The following TM9SF2 variants were observed in gnomAD, a reference collection of about 807,000 sequenced individuals.
TM9SF2 encodes the protein 76 kDa membrane protein.
Under a neutral mutation model 84.9 loss-of-function variants are expected in TM9SF2, and 13 were observed. The observed-to-expected ratio is 0.15, with a 90% confidence interval of 0.10 to 0.24. TM9SF2 has a LOEUF of 0.24. TM9SF2 is among the 10% of genes least tolerant of loss of function. The probability of loss-of-function intolerance (pLI) is 1.00; values close to 1 mark genes in which losing one functional copy is unlikely to be tolerated. For missense variants in TM9SF2, 562 were observed against 818.5 expected, an observed-to-expected ratio of 0.69 and a Z score of 3.82; for synonymous variants, 273 against 285.8, an observed-to-expected ratio of 0.96 and a Z score of 0.45.
chr13:99,527,874 A>G (rs570961977), intron 3 of TM9SF2, among the ~76,000 whole-genome samples: 3 of 152,336 alleles, frequency 2.0e-5, no homozygotes, highest in Admixed American at 1.3e-4. Flanking sequence ...CATTTTACAC[A>G]TAAGTTAACT....
At chr13:99,524,506 T>A (rs1440665165) in intron 3 of TM9SF2, among the ~76,000 whole-genome samples, 2 of 152,082 alleles carry the variant, frequency 1.3e-5, no homozygotes, top group Middle Eastern at 6.8e-3. Context: ...GCAGAGATGC[T>A]GAATAAACAG....
intron 1 of TM9SF2, among the ~76,000 whole-genome samples, chr13:99,513,981 G>A (rs1016720451): frequency 7.9e-5 from 12 of 152,100 alleles, no homozygotes; most frequent in African/African-American, 2.4e-4. Flanking sequence ...TAAAATTAGC[G>A]TCATTTTTCC....
rs757227160 is a variant in TM9SF2 at position 99,541,511 on chromosome 13, T to C, written c.909-48T>C. 3.6e-6 allele frequency: 5 copies of C among 1,371,076 alleles called. No individual in the cohort carries two copies. The Admixed American group carries it at 7.6e-5, about 21-fold the overall frequency. The allele number at this position is 1,371,076 out of a possible 1,614,324, so 84.9% of individuals were successfully genotyped here. On this transcript the variant is annotated intron_variant, in intron 8 of 16. Transcript: ENST00000376387. ...AACAGTTTTTAAAAGAGTTTTACTG[T>C]TCCTAGGATTAAGCTACAGATTACT...
chr13:99,538,779 G>A (rs544831126), intron 6 of TM9SF2, among the ~76,000 whole-genome samples: 33 of 151,340 alleles, frequency 2.2e-4, no homozygotes, highest in Admixed American at 1.5e-3. Flanking sequence ...TGGGCACTGT[G>A]GCCCGTGCCT....
At chr13:99,558,722 TTG>T (rs5806121) in intron 15 of TM9SF2, among the ~76,000 whole-genome samples, 58,054 of 150,826 alleles carry the variant, frequency 0.38, 13,366 homozygotes, top group Non-Finnish European at 0.53. Context: ...CTGTTGCATT[TTG>T]TGTGTGTGTG....
intron 10 of TM9SF2, among the ~76,000 whole-genome samples, chr13:99,544,785 A>G (rs568777825): frequency 4.3e-4 from 65 of 152,324 alleles, no homozygotes; most frequent in African/African-American, 1.5e-3. Context: ...TGTGTAGGAA[A>G]GACCTTCCTT....
intron 1 of TM9SF2, among the ~76,000 whole-genome samples, chr13:99,516,522 A>C (rs914843185): frequency 1.3e-5 from 2 of 152,294 alleles, no homozygotes; most frequent in Non-Finnish European, 2.9e-5. Flanking sequence ...AAATTCTGTC[A>C]TGAGTAGCCT....
At chr13:99,536,053 A>T (rs540417212) in intron 4 of TM9SF2, among the ~76,000 whole-genome samples, 1 of 152,104 alleles carries the variant, frequency 6.6e-6, no homozygotes, top group South Asian at 2.1e-4. Context: ...TTGCAATTGT[A>T]TTCCTTTTTT....
chr13:99,510,931 T>G (rs913859209), intron 1 of TM9SF2, among the ~76,000 whole-genome samples: 1 of 152,260 alleles, frequency 6.6e-6, no homozygotes, highest in Admixed American at 6.5e-5. Context: ...TTTCTCGTGG[T>G]CTTCAGGATC....
intron 3 of TM9SF2, among the ~76,000 whole-genome samples, chr13:99,521,946 A>G (rs919399854): frequency 2.2e-4 from 33 of 152,210 alleles, no homozygotes; most frequent in Admixed American, 1.0e-3. Context: ...GCTTCAAGCA[A>G]TCCTTCTGCC....
At chr13:99,536,534 C>T (rs1232002891) in intron 4 of TM9SF2, 74 bp from the exon 5 acceptor site, 8 of 1,530,140 alleles carry the variant, frequency 5.2e-6, no homozygotes, top group Non-Finnish European at 6.2e-6. Context: ...AAAGTGATGA[C>T]ACTGATTTGG....
At chr13:99,516,620 G>GA (rs1010915059) in intron 1 of TM9SF2, among the ~76,000 whole-genome samples, 21 of 152,304 alleles carry the variant, frequency 1.4e-4, no homozygotes, top group African/African-American at 4.8e-4. Context: ...GCTTCAGTAG[G>GA]AAAGTGTAGC....
At chr13:99,517,539 T>A (rs2046139869) in intron 1 of TM9SF2, 75 bp from the exon 2 acceptor site, 18 of 977,662 alleles carry the variant, frequency 1.8e-5, no homozygotes, top group Non-Finnish European at 2.6e-5. Flanking sequence ...GTCAAATTCT[T>A]TTTTAATTCT....
intron 3 of TM9SF2, among the ~76,000 whole-genome samples, chr13:99,525,030 G>A (rs1348457424): frequency 6.6e-6 from 1 of 152,086 alleles, no homozygotes; most frequent in Admixed American, 6.5e-5. Context: ...TGGGTCAGGT[G>A]AGATAAGGAC....
chr13:99,520,221 A>T, intron 3 of TM9SF2, 92 bp downstream of exon 3: 1 of 1,060,570 alleles, frequency 9.4e-7, no homozygotes, highest in Non-Finnish European at 1.4e-6. Flanking sequence ...TATCATTGCT[A>T]AGGAGGAGTT....
chr13:99,562,117 A>T lies in TM9SF2; in HGVS notation c.1925-574A>T, dbSNP rs201202518. Among the ~76,000 whole-genome samples, 3 of 152,184 alleles carry T rather than the reference A, an allele frequency of 2.0e-5. No homozygotes were observed. In the East Asian group the frequency reaches 5.8e-4, roughly 29 times the overall value. On this transcript the variant is annotated intron_variant, in intron 16 of 16. Coordinates refer to ENST00000376387, the MANE Select transcript of TM9SF2 (RefSeq NM_004800.3). ...GGACTTGCCCAAGGATGACACACAC[A>T]GTTTGTGACAGAGCTGCTCTGTTCT...
In TM9SF2 at chr13:99,562,584, A is replaced by G. The variant is rs748433403; in HGVS notation, c.1925-107A>G. 59 of 998,662 alleles carry G rather than the reference A, an allele frequency of 5.9e-5. 1 individual carries two copies. The highest frequency in any genetic ancestry group is 8.9e-5 in the Admixed American group (4 of 44,804). 61.9% of individuals were successfully genotyped at this position (998,662 alleles called of 1,614,324 possible). A position where few individuals can be genotyped will look rare whatever the true frequency, so the allele number is the denominator to read the frequency against. On this transcript the variant is annotated intron_variant, in intron 16 of 16. Coordinates refer to ENST00000376387, the MANE Select transcript of TM9SF2 (RefSeq NM_004800.3). Reference sequence around the variant, plus strand: ...GTATATTCCCGGTGGGTAATAGTTTATAGTTTTGCGACTTTTTTAAGGAAC... The same window carrying G: ...GTATATTCCCGGTGGGTAATAGTTTGTAGTTTTGCGACTTTTTTAAGGAAC...
intron 3 of TM9SF2, among the ~76,000 whole-genome samples, chr13:99,528,311 T>C (rs1343171647): frequency 6.6e-6 from 1 of 152,234 alleles, no homozygotes; most frequent in Admixed American, 6.5e-5. Flanking sequence ...CTCAGTTGTG[T>C]GACTTGGTGC....
intron 4 of TM9SF2, among the ~76,000 whole-genome samples, chr13:99,531,851 A>G (rs912567064): frequency 3.9e-4 from 60 of 152,314 alleles, no homozygotes; most frequent in African/African-American, 1.4e-3. Flanking sequence ...ATGCATATCA[A>G]TTGCATATCA....
Sources: gnomAD v4.1 joint callset for allele counts (sites outside exome capture counted in the v4.1 genomes callset) on GRCh38, gnomAD v4.1.1 for gene constraint, MANE v1.5 for transcripts, NCBI Gene and HGNC (gene_info 2026-07-23, HGNC 2026-07-21) for gene names.